ORC4: variants seen among roughly 807,000 people sequenced by gnomAD.
ORC4 encodes the protein origin recognition complex subunit 4, also known as origin recognition complex, subunit 4 homolog.
In ORC4, 55 loss-of-function variants were observed where a neutral mutation model predicts 63.9. That is an observed-to-expected ratio of 0.86 (90% CI 0.69 to 1.08). The LOEUF (loss-of-function observed/expected upper bound fraction) is 1.08, where lower values mean the gene tolerates loss of function less well. Ranked by LOEUF, ORC4 falls within the 50% of genes least tolerant of loss-of-function variation. The pLI, the probability that ORC4 is intolerant of heterozygous loss-of-function variation, is 0.00. For synonymous variants in ORC4, 150 were observed against 168.5 expected, an observed-to-expected ratio of 0.89 and a Z score of 0.85; for missense variants, 511 against 504.4, an observed-to-expected ratio of 1.01 and a Z score of -0.13.
rs1284173418 is a variant in ORC4 at position 147,958,403 on chromosome 2, A to G, written c.302-20T>C. ...GCAGTCCTAAAATAAAGTCCATTTAAAAGTATTTAATTAAAATTAAACATG... is the reference window on the plus strand; with the variant it reads ...GCAGTCCTAAAATAAAGTCCATTTAGAAGTATTTAATTAAAATTAAACATG... On this transcript the variant is annotated intron_variant, in intron 5 of 13. Coordinates refer to ENST00000392857, the MANE Select transcript of ORC4 (RefSeq NM_181741.4). The G allele has an allele frequency of 6.4e-7, 1 of 1,564,372 alleles. No individual in the cohort carries two copies. Among genetic ancestry groups the G allele is most frequent in the Non-Finnish European group, 8.8e-7 (1 of 1,136,276 alleles).
chr2:148,010,470 A>G (rs2105462088), intron 1 of ORC4, among the ~76,000 whole-genome samples: 1 of 152,188 alleles, frequency 6.6e-6, no homozygotes, highest in South Asian at 2.1e-4. Flanking sequence ...AGAAAAGAAA[A>G]AAAAGAAGAT....
rs1232618656 is a variant in ORC4 at position 147,931,014 on chromosome 2, A to T, written c.*4496T>A. 3.1e-5 allele frequency: 2 copies of T among 64,732 alleles called. No homozygotes were observed. The highest frequency in any genetic ancestry group is 6.8e-5 in the African/African-American group (1 of 14,754). The allele number at this position is 64,732 out of a possible 1,614,324, so 4.0% of individuals were successfully genotyped here. ...AATGCTATCCCTCCCCCATCCCCCC[A>T]CCCCACAACAGTCCCCAGAGTGTGA... On this transcript the variant is annotated 3_prime_UTR_variant, in exon 14 of 14. Transcript: ENST00000392857.
rs1337825971 is a variant in ORC4, at chr2:147,935,567, A to G, written c.1254T>C (p.Tyr418=). Residue 418 remains tyrosine, a synonymous_variant, in exon 14 of 14, where the codon TAT becomes TAC. Coordinates refer to ENST00000392857, the MANE Select transcript of ORC4 (RefSeq NM_181741.4). ...NTQIMNALQK[Y]PNCPTDVRQW... is the part of the protein sequence containing the mutation. ...GCCTCACATCTGTAGGACAGTTGGG[A>G]TATTTCTGCAGAGCATTCATAATTT... The G allele has an allele frequency of 6.2e-7, 1 of 1,613,884 alleles. No individual in the cohort carries two copies. Among genetic ancestry groups the G allele is most frequent in the Non-Finnish European group, 8.5e-7 (1 of 1,179,830 alleles).
intron 10 of ORC4, among the ~76,000 whole-genome samples, chr2:147,941,538 G>T (rs576855313): frequency 6.6e-6 from 1 of 152,044 alleles, no homozygotes; most frequent in African/African-American, 2.4e-5. Context: ...TACTGGAGAG[G>T]CTGAAAATCT....
chr2:148,005,688 C>T (rs1359254652), intron 1 of ORC4, among the ~76,000 whole-genome samples: 1 of 135,256 alleles, frequency 7.4e-6, no homozygotes, highest in Non-Finnish European at 1.6e-5. Context: ...AAACAACCTT[C>T]ATAAGAATCA....
chr2:147,961,970 C>G (rs150802243), intron 4 of ORC4, among the ~76,000 whole-genome samples: 3 of 152,086 alleles, frequency 2.0e-5, no homozygotes, highest in Admixed American at 6.5e-5. Flanking sequence ...TCCTGGTGCT[C>G]GTACTCCCAA....
chr2:148,003,189 C>T (rs1171590772), intron 1 of ORC4, among the ~76,000 whole-genome samples: 3 of 152,018 alleles, frequency 2.0e-5, no homozygotes, highest in East Asian at 1.9e-4. Context: ...AGGTACAAAG[C>T]GGAGCTGGTA....
At chr2:147,977,441 C>G (rs1052894444) in intron 1 of ORC4, among the ~76,000 whole-genome samples, 3 of 152,142 alleles carry the variant, frequency 2.0e-5, no homozygotes, top group Non-Finnish European at 4.4e-5. Flanking sequence ...AATAGGAGGC[C>G]CTTCAGCTTG....
Position 147,943,525 on chromosome 2 carries a change from A to G in ORC4, c.763-3T>C. On this transcript the variant is annotated splice_polypyrimidine_tract_variant and splice_region_variant and intron_variant, in intron 9 of 13. Transcript: ENST00000392857. ...ACACTTCTATCTTCTGAGAGATACT[A>G]AAAGGAAAAAAAAAAAAAAAGCCAA... 1.4e-6 allele frequency: 2 copies of G among 1,467,134 alleles called. No homozygotes were observed. The highest frequency in any genetic ancestry group is 1.9e-6 in the Non-Finnish European group (2 of 1,071,370). The allele number at this position is 1,467,134 out of a possible 1,614,324, so 90.9% of individuals were successfully genotyped here. A position where few individuals can be genotyped will look rare whatever the true frequency, so the allele number is the denominator to read the frequency against.
At chr2:147,958,166 T>A (rs916614637) in intron 6 of ORC4, 132 bp downstream of exon 6, 18 of 625,298 alleles carry the variant, frequency 2.9e-5, no homozygotes, top group Non-Finnish European at 5.0e-5. Context: ...CACATTTTTA[T>A]GAAAGAATCT....
At chr2:148,020,992 T>C, upstream of ORC4, 1 of 150,750 alleles carries the variant, frequency 6.6e-6, no homozygotes, top group Non-Finnish European at 1.5e-5. Flanking sequence ...TTTCCTCCCC[T>C]CCCCCTCCTC....
intron 1 of ORC4, among the ~76,000 whole-genome samples, chr2:147,998,288 GTTTC>G (rs1406744314): frequency 2.0e-5 from 3 of 152,266 alleles, no homozygotes; most frequent in Middle Eastern, 3.4e-3. Context: ...TTTGGATTTG[GTTTC>G]TTTATCACCA....
At chr2:147,938,667 A>G in intron 11 of ORC4, 1 of 414,758 alleles carries the variant, frequency 2.4e-6, no homozygotes. Context: ...CACTCACCAT[A>G]TGGCCCACAG....
intron 2 of ORC4, 80 bp from the exon 3 acceptor site, chr2:147,973,604 T>C (rs953673061): frequency 1.3e-6 from 1 of 796,988 alleles, no homozygotes; most frequent in African/African-American, 1.7e-5. Context: ...ACATTTACAA[T>C]AGTCAGAATT....
At chr2:147,971,432 CAAAT>C (rs1310055664) in intron 4 of ORC4, among the ~76,000 whole-genome samples, 1 of 151,186 alleles carries the variant, frequency 6.6e-6, no homozygotes, top group Admixed American at 6.6e-5. Flanking sequence ...AATAAGAAAA[CAAAT>C]AACCCAAATT....
At chr2:147,942,819 T>C (rs895309435) in intron 10 of ORC4, among the ~76,000 whole-genome samples, 2 of 150,860 alleles carry the variant, frequency 1.3e-5, no homozygotes, top group East Asian at 3.9e-4. Context: ...TTGTGAAAAA[T>C]GTAATGGTCT....
chr2:147,982,078 C>T (rs1573839184), intron 1 of ORC4: 1 of 152,168 alleles, frequency 6.6e-6, no homozygotes, highest in East Asian at 1.9e-4. Context: ...TGGCTCCAGG[C>T]TTCCTAATTG....
At chr2:148,016,911 A>G (rs1017574529) in intron 1 of ORC4, among the ~76,000 whole-genome samples, 4 of 152,250 alleles carry the variant, frequency 2.6e-5, no homozygotes, top group African/African-American at 9.6e-5. Flanking sequence ...TCAAGGTACA[A>G]GTAAAACAAC....
intron 1 of ORC4, among the ~76,000 whole-genome samples, chr2:147,985,650 CTT>C (rs1691157628): frequency 6.6e-6 from 1 of 152,220 alleles, no homozygotes; most frequent in Non-Finnish European, 1.5e-5. Context: ...GCACAACTAA[CTT>C]AAGCTCCTCA....
Sources: gnomAD v4.1 joint callset for allele counts (sites outside exome capture counted in the v4.1 genomes callset) on GRCh38, gnomAD v4.1.1 for gene constraint, MANE v1.5 for transcripts, NCBI Gene and HGNC (gene_info 2026-07-23, HGNC 2026-07-21) for gene names.